TULP4: variants seen among roughly 807,000 people sequenced by gnomAD.
TULP4 encodes TUB like protein 4.
In TULP4, 16 loss-of-function variants were observed where a neutral mutation model predicts 129.0. The observed-to-expected ratio is 0.12, with a 90% confidence interval of 0.08 to 0.19. The LOEUF is 0.19. Among genes scored for constraint, TULP4 ranks in the 10% least tolerant of loss-of-function variants. The pLI is 1.00. For synonymous variants in TULP4, 998 were observed against 854.0 expected, an observed-to-expected ratio of 1.17 and a Z score of -2.94; for missense variants, 1,842 against 2,059.1, an observed-to-expected ratio of 0.89 and a Z score of 2.04.
chr6:158,377,062 G>A (rs1777206574), intron 1 of TULP4, among the ~76,000 whole-genome samples: 1 of 152,214 alleles, frequency 6.6e-6, no homozygotes, highest in Admixed American at 6.5e-5. Context: ...TACATAATAT[G>A]GGATAGGTGA....
At chr6:158,395,865 G>C (rs1357793605) in intron 1 of TULP4, among the ~76,000 whole-genome samples, 1 of 151,800 alleles carries the variant, frequency 6.6e-6, no homozygotes, top group African/African-American at 2.4e-5. Flanking sequence ...ATTTTTCAAA[G>C]ATGTACTACA....
At chr6:158,238,044 T>C in intron 1 of TULP4, 2 of 703,718 alleles carry the variant, frequency 2.8e-6, no homozygotes, top group Non-Finnish European at 5.3e-6. Context: ...ACCAGATAGC[T>C]TGTGTGAAGA....
chr6:158,311,482 A>G (rs964293288), upstream of TULP4, among the ~76,000 whole-genome samples: 18 of 152,256 alleles, frequency 1.2e-4, no homozygotes, highest in African/African-American at 4.3e-4. Context: ...CTAGAGACAG[A>G]TTCTCTAGAA....
chr6:158,243,020 T>C (rs1053706518), intron 1 of TULP4, among the ~76,000 whole-genome samples: 8 of 152,186 alleles, frequency 5.3e-5, no homozygotes, highest in African/African-American at 1.9e-4. Flanking sequence ...AACTCCTGAC[T>C]TCGTGATCCG....
At chr6:158,362,540 G>A (rs1002714439) in intron 1 of TULP4, among the ~76,000 whole-genome samples, 2 of 152,278 alleles carry the variant, frequency 1.3e-5, no homozygotes, top group Non-Finnish European at 2.9e-5. Flanking sequence ...TATAGAGACA[G>A]GGTCTTGCTG....
At chr6:158,242,508 C>T (rs565544989) in intron 1 of TULP4, 35 of 779,216 alleles carry the variant, frequency 4.5e-5, no homozygotes, top group Non-Finnish European at 7.5e-5. Context: ...GTCTGTCTGC[C>T]GGTTGGTACT....
chr6:158,360,755 T>A (rs534275125), intron 1 of TULP4, among the ~76,000 whole-genome samples: 1 of 152,322 alleles, frequency 6.6e-6, no homozygotes, highest in South Asian at 2.1e-4. Context: ...TAAGAAGCCC[T>A]GAGCAAGTGA....
intron 8 of TULP4, 54 bp downstream of exon 8, chr6:158,481,343 T>C: frequency 6.6e-7 from 1 of 1,508,026 alleles, no homozygotes; most frequent in Non-Finnish European, 9.1e-7. Context: ...TCATGGGCTG[T>C]TAACGCCTTA....
chr6:158,343,824 T>C (rs1279007223), intron 1 of TULP4, among the ~76,000 whole-genome samples: 1 of 152,198 alleles, frequency 6.6e-6, no homozygotes, highest in East Asian at 1.9e-4. Flanking sequence ...TGTCTTAAAA[T>C]GAAAATACTA....
intron 1 of TULP4, among the ~76,000 whole-genome samples, chr6:158,395,195 C>T (rs1777678316): frequency 6.6e-6 from 1 of 152,160 alleles, no homozygotes; most frequent in African/African-American, 2.4e-5. Context: ...AATATTCAAA[C>T]CATACCATCC....
intron 1 of TULP4, among the ~76,000 whole-genome samples, chr6:158,349,835 C>T (rs1176392809): frequency 3.3e-5 from 4 of 121,990 alleles, no homozygotes; most frequent in South Asian, 5.7e-4. Flanking sequence ...ATGGGGCGGC[C>T]GGGCAGAGGC....
intron 1 of TULP4, among the ~76,000 whole-genome samples, chr6:158,367,993 C>T (rs753703451): frequency 6.7e-5 from 9 of 134,124 alleles, no homozygotes; most frequent in South Asian, 2.5e-4. Context: ...ACTCGGGAGG[C>T]GAGGTATGAG....
rs1387833609 is a variant in TULP4, at chr6:158,240,625, C to T, written n.68+8322C>T. On this transcript the variant is annotated intron_variant and non_coding_transcript_variant, in intron 1 of 1. Coordinates refer to the TULP4 transcript ENST00000620026. ...GCAGAGGCGCCCCTCACCTCCCAGACGGGGCGGCTGGCCGGGTGGAGGCTG... is the reference window on the plus strand; with the variant it reads ...GCAGAGGCGCCCCTCACCTCCCAGATGGGGCGGCTGGCCGGGTGGAGGCTG... 1.0e-4 allele frequency among the ~76,000 whole-genome samples: 11 copies of T among 105,282 alleles called. 2 individuals are homozygous for T. The highest frequency in any genetic ancestry group is 1.5e-4 in the African/African-American group (5 of 33,392). The allele number at this position is 105,282 out of a possible 152,430, so 69.1% of individuals were successfully genotyped here.
At position 158,423,562 on chromosome 6, in the gene TULP4, GTTA is replaced by G. The variant is rs575196133; in HGVS notation, c.382-6169_382-6167del. 1.7e-4 allele frequency among the ~76,000 whole-genome samples: 26 copies of G among 152,284 alleles called. No individual in the cohort carries two copies. In the South Asian group the frequency reaches 4.6e-3, roughly 27 times the overall value. On this transcript the variant is annotated intron_variant, in intron 2 of 13. Transcript: ENST00000367097. ...ACATTGTACTCTATACATATATACA[GTTA>G]TTATGGGCCAATTATAAATTAAATT...
intron 1 of TULP4, among the ~76,000 whole-genome samples, chr6:158,354,916 CAA>C (rs1322111152): frequency 1.3e-5 from 2 of 149,838 alleles, no homozygotes; most frequent in African/African-American, 4.9e-5. Context: ...AGAAAGCCCT[CAA>C]GATGCTCATT....
intron 13 of TULP4, among the ~76,000 whole-genome samples, chr6:158,506,374 G>C (rs1234154620): frequency 6.6e-6 from 1 of 151,802 alleles, no homozygotes; most frequent in Non-Finnish European, 1.5e-5. Flanking sequence ...TGGGACTACA[G>C]GCGCCCGCCA....
At position 158,313,903 on chromosome 6, in the gene TULP4, G is replaced by T. The variant is rs1236651989; in HGVS notation, c.-114G>T. On this transcript the variant is annotated 5_prime_UTR_variant, in exon 1 of 14. Transcript: ENST00000367097. ...GATTCAGGTCAGTCTTAATTAAAGGGGGAAAAAAGCAACGCAAGCCAACCA... is the reference window on the plus strand; with the variant it reads ...GATTCAGGTCAGTCTTAATTAAAGGTGGAAAAAAGCAACGCAAGCCAACCA... 1 of 1,222,744 alleles carries T rather than the reference G, an allele frequency of 8.2e-7. No homozygotes were observed. The highest frequency in any genetic ancestry group is 2.5e-5 in the Admixed American group (1 of 40,070). 75.7% of individuals were successfully genotyped at this position (1,222,744 alleles called of 1,614,324 possible).
rs148896724 is a variant in TULP4, at chr6:158,463,570, C to T, written c.1026+1841C>T. Among the ~76,000 whole-genome samples the T allele has an allele frequency of 6.1e-3, 921 of 151,388 alleles. 13 individuals are homozygous for T. Among genetic ancestry groups the T allele is most frequent in the African/African-American group, 0.02 (821 of 41,246 alleles). On this transcript the variant is annotated intron_variant, in intron 6 of 13. Coordinates refer to ENST00000367097, the MANE Select transcript of TULP4 (RefSeq NM_020245.5). Reference sequence around the variant, plus strand: ...TAAATGATGAGTAATGGGTGCAGCACGCCAACGTGGCACATGTATACATAT... The same window carrying T: ...TAAATGATGAGTAATGGGTGCAGCATGCCAACGTGGCACATGTATACATAT...
At chr6:158,506,276 G>C (rs957787940) in intron 13 of TULP4, among the ~76,000 whole-genome samples, 1 of 116,730 alleles carries the variant, frequency 8.6e-6, no homozygotes, top group Non-Finnish European at 1.6e-5. Context: ...CTGTCGCCCA[G>C]GCTGGAGTGC....
Sources: gnomAD v4.1 joint callset for allele counts (sites outside exome capture counted in the v4.1 genomes callset) on GRCh38, gnomAD v4.1.1 for gene constraint, MANE v1.5 for transcripts, NCBI Gene and HGNC (gene_info 2026-07-23, HGNC 2026-07-21) for gene names.